The following CLASP1 variants were observed in gnomAD, a reference collection of about 807,000 sequenced individuals.
CLASP1 encodes cytoplasmic linker associated protein 1.
CLASP1 carries 38 observed loss-of-function variants against 192.3 expected under a neutral mutation model. That is an observed-to-expected ratio of 0.20 (90% CI 0.15 to 0.26). CLASP1 has a LOEUF of 0.26. Ranked by LOEUF, CLASP1 falls within the 10% of genes least tolerant of loss-of-function variation. The probability of loss-of-function intolerance (pLI) is 1.00; values close to 1 mark genes in which losing one functional copy is unlikely to be tolerated. For missense variants in CLASP1, 1,433 were observed against 1,932.5 expected, an observed-to-expected ratio of 0.74 and a Z score of 4.85; for synonymous variants, 691 against 712.8, an observed-to-expected ratio of 0.97 and a Z score of 0.49.
chr2:121,405,913 AG>A (rs2076847200), intron 25 of CLASP1, among the ~76,000 whole-genome samples: 1 of 152,208 alleles, frequency 6.6e-6, no homozygotes. Flanking sequence ...AGCCACAGTG[AG>A]AGCTGAGCAA....
intron 2 of CLASP1, among the ~76,000 whole-genome samples, chr2:121,570,057 T>C (rs1450011777): frequency 6.6e-6 from 1 of 152,188 alleles, no homozygotes; most frequent in Non-Finnish European, 1.5e-5. Flanking sequence ...GCTGTTTTAG[T>C]TTCTGTGTTA....
chr2:121,605,974 T>C, exon 2 of CLASP1: 1 of 1,325,736 alleles, frequency 7.5e-7, no homozygotes, highest in South Asian at 1.4e-5. Flanking sequence ...ATCTGGGAGG[T>C]TGCCTCTTTG....
chr2:121,338,506 A>G (rs532378225), exon 40 of CLASP1: 2 of 152,706 alleles, frequency 1.3e-5, no homozygotes, highest in African/African-American at 4.8e-5. Flanking sequence ...TTTTCATTGG[A>G]ACAGGGGCCC....
intron 36 of CLASP1, 142 bp from the exon 38 acceptor site, chr2:121,363,442 TCA>T: frequency 1.1e-6 from 1 of 900,232 alleles, no homozygotes; most frequent in Non-Finnish European, 1.7e-6. Flanking sequence ...ATCACACAGT[TCA>T]CTTGAAATCA....
intron 2 of CLASP1, among the ~76,000 whole-genome samples, chr2:121,583,078 G>A (rs1304133212): frequency 6.6e-6 from 1 of 152,082 alleles, no homozygotes; most frequent in Non-Finnish European, 1.5e-5. Flanking sequence ...GAACCACCGT[G>A]CCCAGCCAAA....
chr2:121,431,069 C>T (rs1045371049), intron 19 of CLASP1, among the ~76,000 whole-genome samples: 1 of 151,930 alleles, frequency 6.6e-6, no homozygotes, highest in Non-Finnish European at 1.5e-5. Context: ...ACACAACCAA[C>T]TTGAACTCCC....
At chr2:121,393,603 T>C (rs1017279631) in intron 30 of CLASP1, among the ~76,000 whole-genome samples, 1 of 152,208 alleles carries the variant, frequency 6.6e-6, no homozygotes, top group Non-Finnish European at 1.5e-5. Flanking sequence ...GAACGTCTCA[T>C]ATTCTTGGGT....
rs149014065 is a variant in CLASP1 at position 121,359,403 on chromosome 2, C to T, written c.4206+3769G>A. Among the ~76,000 whole-genome samples, 636 of 152,348 alleles carry T rather than the reference C, an allele frequency of 4.2e-3. 3 individuals are homozygous for T. Among genetic ancestry groups the T allele is most frequent in the African/African-American group, 0.015 (617 of 41,570 alleles). On this transcript the variant is annotated intron_variant, in intron 37 of 39. Transcript: ENST00000263710. ...TTTCTGCCTCAAGATTTTTATCTCA[C>T]ACTGACCCCAGAATCTCTTTGTAGT...
intron 37 of CLASP1, among the ~76,000 whole-genome samples, chr2:121,359,149 AATTAGT>A (rs1251582823): frequency 6.6e-6 from 1 of 152,274 alleles, no homozygotes. Flanking sequence ...AATGATTTAT[AATTAGT>A]ATATCAACTA....
chr2:121,556,918 A>G (rs1223413786), intron 2 of CLASP1, among the ~76,000 whole-genome samples: 2 of 152,230 alleles, frequency 1.3e-5, no homozygotes, highest in Non-Finnish European at 2.9e-5. Context: ...CAGTACCTGT[A>G]GTACAGTCCT....
intron 21 of CLASP1, among the ~76,000 whole-genome samples, chr2:121,426,487 G>C (rs1195919426): frequency 6.6e-6 from 1 of 152,124 alleles, no homozygotes; most frequent in Non-Finnish European, 1.5e-5. Flanking sequence ...CACAGAAATT[G>C]ACAGAGCAGT....
intron 8 of CLASP1, among the ~76,000 whole-genome samples, chr2:121,494,770 C>T (rs1398283841): frequency 2.0e-5 from 3 of 152,258 alleles, no homozygotes; most frequent in Non-Finnish European, 4.4e-5. Context: ...CCTGTAATCC[C>T]AGCACTTTGG....
chr2:121,390,134 A>G lies in CLASP1; in HGVS notation c.3124-2228T>C, dbSNP rs553096169. Reference sequence around the variant, plus strand: ...TATTTTATCTCCAACCCTCTGAATCAGTGAGAGGTTAAAATATGGAATCCA... The same window carrying G: ...TATTTTATCTCCAACCCTCTGAATCGGTGAGAGGTTAAAATATGGAATCCA... On this transcript the variant is annotated intron_variant, in intron 30 of 39. Coordinates refer to ENST00000263710, the Ensembl canonical transcript of CLASP1. 2.0e-5 allele frequency among the ~76,000 whole-genome samples: 3 copies of G among 152,340 alleles called. No homozygotes were observed. In the East Asian group the frequency reaches 5.8e-4, roughly 29 times the overall value.
intron 33 of CLASP1, among the ~76,000 whole-genome samples, chr2:121,378,021 T>C (rs2070677850): frequency 6.6e-6 from 1 of 152,138 alleles, no homozygotes; most frequent in South Asian, 2.1e-4. Flanking sequence ...TGGTCTCAAA[T>C]GTACAAACTT....
chr2:121,448,597 G>A (rs1379389857), intron 17 of CLASP1, among the ~76,000 whole-genome samples: 2 of 152,328 alleles, frequency 1.3e-5, no homozygotes, highest in South Asian at 2.1e-4. Context: ...AAGTCACAGA[G>A]TTTGAATGAC....
intron 8 of CLASP1, among the ~76,000 whole-genome samples, chr2:121,494,263 C>T (rs141393389): frequency 3.0e-4 from 46 of 152,266 alleles, no homozygotes; most frequent in African/African-American, 1.0e-3. Flanking sequence ...CAGTACTATT[C>T]AGCCATAAAA....
At chr2:121,638,753 C>T (rs180797990) in intron 1 of CLASP1, among the ~76,000 whole-genome samples, 4 of 151,526 alleles carry the variant, frequency 2.6e-5, no homozygotes, top group Non-Finnish European at 5.9e-5. Context: ...CTGCAACCTC[C>T]GCCTCCCAGG....
rs1332710667 is a variant in CLASP1 at position 121,567,831 on chromosome 2, G to A, written c.196-37506C>T. ...AGGAAAGAAAAGAAATACCTTTGGA[G>A]CGCCACATAATACAAATACACGATA... is the stretch of plus-strand genomic sequence containing the variant. On this transcript the variant is annotated intron_variant, in intron 2 of 39. Coordinates refer to ENST00000263710, the Ensembl canonical transcript of CLASP1. Among the ~76,000 whole-genome samples the A allele has an allele frequency of 2.6e-5, 4 of 152,204 alleles. No individual in the cohort carries two copies. In the East Asian group the frequency reaches 5.8e-4, roughly 22 times the overall value.
At chr2:121,414,643 T>C (rs540378757) in intron 23 of CLASP1, among the ~76,000 whole-genome samples, 2 of 152,250 alleles carry the variant, frequency 1.3e-5, no homozygotes, top group Admixed American at 1.3e-4. Context: ...TATGCAACCA[T>C]GCACCAAAAA....
Sources: allele counts gnomAD v4.1 joint callset (sites outside exome capture counted in the v4.1 genomes callset), GRCh38; gene constraint gnomAD v4.1.1; transcripts MANE v1.5; gene names NCBI Gene and HGNC (gene_info 2026-07-23, HGNC 2026-07-21).